CNTN5: variants seen among roughly 807,000 people sequenced by gnomAD.
CNTN5 encodes contactin-5.
A neutral mutation model predicts 129.1 loss-of-function variants in CNTN5; 77 were observed. That is an observed-to-expected ratio of 0.60 (90% CI 0.50 to 0.72). CNTN5 has a LOEUF of 0.72. Among genes scored for constraint, CNTN5 ranks in the 30% least tolerant of loss-of-function variants. The pLI is 0.00. For missense variants in CNTN5, 1,478 were observed against 1,328.8 expected, an observed-to-expected ratio of 1.11 and a Z score of -1.75; for synonymous variants, 509 against 465.6, an observed-to-expected ratio of 1.09 and a Z score of -1.20.
chr11:100,095,134 G>T (rs12286934), intron 13 of CNTN5, among the ~76,000 whole-genome samples: 6,296 of 152,018 alleles, frequency 0.041, 426 homozygotes, highest in African/African-American at 0.14. Flanking sequence ...GCCAAAAGAG[G>T]GTGAAATATA....
chr11:99,498,246 G>A (rs1053648121), intron 2 of CNTN5, among the ~76,000 whole-genome samples: 2 of 152,054 alleles, frequency 1.3e-5, no homozygotes, highest in African/African-American at 4.8e-5. Flanking sequence ...TGTAATAAAT[G>A]TACTGCATTT....
chr11:99,945,258 A>G (rs1950528546), intron 7 of CNTN5, among the ~76,000 whole-genome samples: 1 of 152,108 alleles, frequency 6.6e-6, no homozygotes, highest in Non-Finnish European at 1.5e-5. Context: ...GCAGAGCAAC[A>G]TATACTATAA....
intron 3 of CNTN5, among the ~76,000 whole-genome samples, chr11:99,650,951 T>C (rs1264556613): frequency 1.3e-5 from 2 of 151,930 alleles, no homozygotes; most frequent in African/African-American, 4.8e-5. Flanking sequence ...CACTTAAGGA[T>C]TTAAAGAAAC....
At chr11:100,001,485 T>A (rs1178520039) in intron 8 of CNTN5, among the ~76,000 whole-genome samples, 2 of 152,178 alleles carry the variant, frequency 1.3e-5, no homozygotes, top group African/African-American at 4.8e-5. Context: ...GATCACTTCT[T>A]ATCTTTCATT....
At chr11:99,522,205 G>T (rs919936773) in intron 2 of CNTN5, among the ~76,000 whole-genome samples, 15 of 152,008 alleles carry the variant, frequency 9.9e-5, no homozygotes, top group Non-Finnish European at 1.5e-5. Context: ...TTCAGAGAAA[G>T]AACTTTAAGG....
At chr11:99,687,607 A>G (rs1485355583) in intron 3 of CNTN5, among the ~76,000 whole-genome samples, 1 of 152,156 alleles carries the variant, frequency 6.6e-6, no homozygotes, top group East Asian at 1.9e-4. Context: ...CTCAAGTTAC[A>G]TAGTAGTTAC....
chr11:100,270,343 G>T (rs1950387100), intron 17 of CNTN5, among the ~76,000 whole-genome samples: 1 of 152,130 alleles, frequency 6.6e-6, no homozygotes, highest in Admixed American at 6.5e-5. Flanking sequence ...TGCCTACAAA[G>T]AAATCCAAGA....
chr11:99,380,580 GC>G (rs1940482245), intron 2 of CNTN5, among the ~76,000 whole-genome samples: 1 of 151,870 alleles, frequency 6.6e-6, no homozygotes, highest in Non-Finnish European at 1.5e-5. Flanking sequence ...GAGCAGCCTG[GC>G]CCACATGGTG....
At chr11:99,282,724 G>A (rs1863756248) in intron 1 of CNTN5, among the ~76,000 whole-genome samples, 1 of 152,024 alleles carries the variant, frequency 6.6e-6, no homozygotes, top group African/African-American at 2.4e-5. Context: ...TCAGCTGCTA[G>A]TAAAGTAAAC....
At chr11:99,465,832 C>A (rs1463093476) in intron 2 of CNTN5, among the ~76,000 whole-genome samples, 1 of 148,556 alleles carries the variant, frequency 6.7e-6, no homozygotes, top group African/African-American at 2.5e-5. Context: ...TCTTACGTGG[C>A]CGGAACAGGA....
At chr11:99,244,486 T>A (rs1410129333) in intron 1 of CNTN5, among the ~76,000 whole-genome samples, 2 of 152,188 alleles carry the variant, frequency 1.3e-5, no homozygotes, top group African/African-American at 4.8e-5. Context: ...TTATTATAAA[T>A]TAACAATGAC....
intron 2 of CNTN5, among the ~76,000 whole-genome samples, chr11:99,332,688 G>A (rs1169651738): frequency 1.3e-5 from 2 of 151,980 alleles, no homozygotes; most frequent in South Asian, 4.1e-4. Context: ...ACAAATGTTA[G>A]GTCATCTTCA....
At chr11:100,242,853 CAAAG>C in intron 16 of CNTN5, among the ~76,000 whole-genome samples, 1 of 152,180 alleles carries the variant, frequency 6.6e-6, no homozygotes, top group Non-Finnish European at 1.5e-5. Context: ...AAAAATCAGA[CAAAG>C]GAGGAAACAT....
chr11:99,348,574 AT>A (rs1370016640), intron 2 of CNTN5, among the ~76,000 whole-genome samples: 4 of 152,110 alleles, frequency 2.6e-5, no homozygotes, highest in Non-Finnish European at 4.4e-5. Context: ...GCCTTCGGAT[AT>A]TTTTTTAACT....
At chr11:99,354,048 A>G (rs1041898003) in intron 2 of CNTN5, among the ~76,000 whole-genome samples, 2 of 152,196 alleles carry the variant, frequency 1.3e-5, no homozygotes, top group Non-Finnish European at 2.9e-5. Flanking sequence ...TAGCATTTTT[A>G]GCAATCTTAG....
At chr11:99,973,612 A>T (rs1169769827) in intron 8 of CNTN5, among the ~76,000 whole-genome samples, 1 of 151,762 alleles carries the variant, frequency 6.6e-6, no homozygotes, top group African/African-American at 2.4e-5. Flanking sequence ...ATTTCCTTCC[A>T]TTTTTTTCTC....
intron 1 of CNTN5, among the ~76,000 whole-genome samples, chr11:99,155,293 A>G (rs1416302357): frequency 6.6e-6 from 1 of 152,204 alleles, no homozygotes; most frequent in African/African-American, 2.4e-5. Flanking sequence ...ATTTTTAAAA[A>G]TCTAGTTTCA....
At chr11:99,332,840 C>T (rs1232695214) in intron 2 of CNTN5, among the ~76,000 whole-genome samples, 1 of 151,992 alleles carries the variant, frequency 6.6e-6, no homozygotes, top group East Asian at 1.9e-4. Flanking sequence ...TCAGTATTTA[C>T]CTTACTAAAT....
chr11:99,878,441 G>A (rs1025074272), intron 6 of CNTN5, among the ~76,000 whole-genome samples: 1 of 152,138 alleles, frequency 6.6e-6, no homozygotes, highest in Non-Finnish European at 1.5e-5. Context: ...GAACAACAGT[G>A]CAAGGTAGTG....
Sources: allele counts gnomAD v4.1 joint callset (sites outside exome capture counted in the v4.1 genomes callset), GRCh38; gene constraint gnomAD v4.1.1; transcripts MANE v1.5; gene names NCBI Gene and HGNC (gene_info 2026-07-23, HGNC 2026-07-21).